The following REPS2 variants were observed in gnomAD, a reference collection of about 807,000 sequenced individuals.
REPS2 encodes the protein ralBP1-associated Eps domain-containing protein 2.
A neutral mutation model predicts 53.6 loss-of-function variants in REPS2; 23 were observed. The ratio of observed to expected loss-of-function variants is 0.43; its 90% CI spans 0.31 to 0.61. The LOEUF (loss-of-function observed/expected upper bound fraction) is 0.61, where lower values mean the gene tolerates loss of function less well. REPS2 is among the 20% of genes least tolerant of loss of function. REPS2 has a pLI of 0.11. For synonymous variants in REPS2, 238 were observed against 218.6 expected (o/e 1.09, Z -0.78); for missense variants, 446 against 534.9 (o/e 0.83, Z 1.64).
At chrX:17,094,192 A>G (rs113302853) in intron 13 of REPS2, among the ~76,000 whole-genome samples, 2,875 of 112,270 alleles carry the variant, frequency 0.026, 93 homozygotes, top group African/African-American at 0.088. Flanking sequence ...GTATTTAATT[A>G]TATCATCATG....
At chrX:17,002,212 G>A (rs2061316057) in intron 1 of REPS2, among the ~76,000 whole-genome samples, 1 of 110,935 alleles carries the variant, frequency 9.0e-6, no homozygotes, top group Admixed American at 9.6e-5. Context: ...TGGGAGGGAA[G>A]GAGGGAGGGA....
chrX:17,192,400 A>G, the REPS2 span, among the ~76,000 whole-genome samples: 2 of 111,835 alleles, frequency 1.8e-5, no homozygotes, highest in African/African-American at 3.3e-5. Context: ...TGCAGTGCCA[A>G]TCTCTCATTT....
At chrX:16,960,810 C>T (rs752785247) in intron 1 of REPS2, among the ~76,000 whole-genome samples, 1 of 111,811 alleles carries the variant, frequency 8.9e-6, no homozygotes, top group Non-Finnish European at 1.9e-5. Context: ...ACAAAATCAG[C>T]GTACAAAAAT....
rs200986826 is a variant in REPS2, at chrX:17,050,194, CT to C, written c.908-2172del. On this transcript the variant is annotated intron_variant, in intron 6 of 17. Coordinates refer to ENST00000357277, the MANE Select transcript of REPS2 (RefSeq NM_004726.3). ...TCTTTCTTTCTTTCTTTCTTTCTTT[CT>C]TTTTTTTTTTTTTTTGACAGGGTCT... is the stretch of plus-strand genomic sequence containing the variant. Among the ~76,000 whole-genome samples the C allele has an allele frequency of 7.1e-4, 37 of 51,785 alleles. 1 individual carries two copies. The highest frequency in any genetic ancestry group is 3.0e-3 in the African/African-American group (31 of 10,508). 45.0% of individuals were successfully genotyped at this position (51,785 alleles called of 115,157 possible).
At chrX:17,119,825 G>A (rs1183680438) in intron 14 of REPS2, among the ~76,000 whole-genome samples, 1 of 106,726 alleles carries the variant, frequency 9.4e-6, no homozygotes, top group Non-Finnish European at 1.9e-5. Flanking sequence ...CTGAGCAATG[G>A]AATCCTCATT....
At chrX:17,016,984 T>C (rs181949343) in intron 2 of REPS2, among the ~76,000 whole-genome samples, 2 of 111,007 alleles carry the variant, frequency 1.8e-5, no homozygotes, top group Admixed American at 1.9e-4. Flanking sequence ...AAATTTTCAA[T>C]ATATTCTTTT....
rs1290028596 is a variant in REPS2, at chrX:16,946,879, GGCGGCGGCGGCGGCAGCGGCA to G, written c.24_44del (p.Ala11_Ala17del). ...CTGGCCCCATGGAGGCGGCAGCGGC[GGCGGCGGCGGCGGCAGCGGCA>G]GCGGCAGCGGCGGGCGGGGGCTGTG... On this transcript the variant is annotated inframe_deletion, in exon 1 of 18. Transcript: ENST00000357277. 5 of 765,264 alleles carry G rather than the reference GGCGGCGGCGGCGGCAGCGGCA, an allele frequency of 6.5e-6. No homozygotes were observed. The African/African-American group carries it at 9.5e-5, about 15-fold the overall frequency. 63.1% of individuals were successfully genotyped at this position (765,264 alleles called of 1,213,427 possible).
At chrX:17,087,115 A>G (rs2062548863) in intron 13 of REPS2, among the ~76,000 whole-genome samples, 1 of 112,079 alleles carries the variant, frequency 8.9e-6, no homozygotes, top group African/African-American at 3.2e-5. Context: ...CTTTTTTGAC[A>G]TCTGTCTTGA....
At chrX:17,100,300 G>T in intron 13 of REPS2, 1 of 546,627 alleles carries the variant, frequency 1.8e-6, no homozygotes, top group East Asian at 3.3e-5. Flanking sequence ...CTTTCTTCTT[G>T]TTTTGTTTTT....
At chrX:17,164,669 T>G in the REPS2 span, among the ~76,000 whole-genome samples, 1 of 111,530 alleles carries the variant, frequency 9.0e-6, no homozygotes, top group African/African-American at 3.3e-5. Context: ...ACAGAGAAAT[T>G]TATAGCTGTA....
intron 3 of REPS2, among the ~76,000 whole-genome samples, chrX:17,024,363 GTT>G (rs900082438): frequency 4.2e-5 from 3 of 71,689 alleles, no homozygotes; most frequent in Non-Finnish European, 5.1e-5. Context: ...TACTAGTAAA[GTT>G]TTTTTTTTTT....
chrX:16,965,482 G>A (rs1210855377), intron 1 of REPS2, among the ~76,000 whole-genome samples: 29 of 103,753 alleles, frequency 2.8e-4, no homozygotes, highest in African/African-American at 8.8e-4. Flanking sequence ...GGCAGCTGCC[G>A]GGCGGAGGGG....
chrX:17,080,192 G>A (rs1263388632), intron 13 of REPS2, among the ~76,000 whole-genome samples: 1 of 110,471 alleles, frequency 9.1e-6, no homozygotes, highest in African/African-American at 3.3e-5. Flanking sequence ...TGCTTTGATG[G>A]AGAGATCTCT....
chrX:17,098,994 A>G (rs1229391327), intron 13 of REPS2, among the ~76,000 whole-genome samples: 5 of 111,494 alleles, frequency 4.5e-5, no homozygotes, highest in Non-Finnish European at 3.8e-5. Flanking sequence ...CTTGTACTGT[A>G]TACTCTCCAA....
intron 13 of REPS2, among the ~76,000 whole-genome samples, chrX:17,096,386 G>A (rs2062697570): frequency 9.0e-6 from 1 of 111,247 alleles, no homozygotes; most frequent in African/African-American, 3.3e-5. Context: ...GAGGCCGGGC[G>A]CGGTGGCTCA....
At chrX:17,027,659 G>GTTTTTTTTTTTTTTTTTTTTTT (rs761592588) in intron 4 of REPS2, among the ~76,000 whole-genome samples, 1 of 67,270 alleles carries the variant, frequency 1.5e-5, no homozygotes. Flanking sequence ...AAATCTTTAG[G>GTTTTTTTTTTTTTTTTTTTTTT]TTTTTTTTTT....
At chrX:17,083,492 A>G (rs991156057) in intron 13 of REPS2, among the ~76,000 whole-genome samples, 2 of 111,837 alleles carry the variant, frequency 1.8e-5, no homozygotes, top group Non-Finnish European at 3.8e-5. Flanking sequence ...TGTGAGATGT[A>G]TAGTTGGGTA....
At chrX:17,159,460 G>C in the REPS2 span, among the ~76,000 whole-genome samples, 3 of 111,508 alleles carry the variant, frequency 2.7e-5, no homozygotes, top group East Asian at 8.4e-4. Flanking sequence ...ATGAATAAGA[G>C]TAGGTGGCCT....
At chrX:16,968,096 G>A (rs893757320) in intron 1 of REPS2, among the ~76,000 whole-genome samples, 22 of 111,112 alleles carry the variant, frequency 2.0e-4, no homozygotes, top group Non-Finnish European at 3.8e-4. Context: ...ATCTTGCACC[G>A]CCCTTAATCC....
Sources: allele counts gnomAD v4.1 joint callset (sites outside exome capture counted in the v4.1 genomes callset), GRCh38; gene constraint gnomAD v4.1.1; transcripts MANE v1.5; gene names NCBI Gene and HGNC (gene_info 2026-07-23, HGNC 2026-07-21).